INO80: variants seen among roughly 807,000 people sequenced by gnomAD.
The protein encoded by INO80 is INO80 complex ATPase subunit, also known as chromatin-remodeling ATPase INO80.
A neutral mutation model predicts 203.4 loss-of-function variants in INO80; 20 were observed. That is an observed-to-expected ratio of 0.10 (90% CI 0.07 to 0.14). The LOEUF is 0.14. INO80 is among the 10% of genes least tolerant of loss of function. INO80 has a pLI of 1.00. For missense variants in INO80, 1,419 were observed against 1,914.4 expected, an observed-to-expected ratio of 0.74 and a Z score of 4.83; for synonymous variants, 726 against 685.2, an observed-to-expected ratio of 1.06 and a Z score of -0.93.
At chr15:41,061,615 T>C (rs889062380) in intron 14 of INO80, among the ~76,000 whole-genome samples, 1 of 151,760 alleles carries the variant, frequency 6.6e-6, no homozygotes, top group Non-Finnish European at 1.5e-5. Flanking sequence ...AGAGTGAGAC[T>C]GTGTTTCAAA....
At chr15:40,984,980 T>C (rs1245654369) in intron 32 of INO80, among the ~76,000 whole-genome samples, 1 of 152,218 alleles carries the variant, frequency 6.6e-6, no homozygotes. Flanking sequence ...AGCAGAATTA[T>C]GGTAGGTTTG....
chr15:40,996,526 A>G (rs547420655), intron 29 of INO80, among the ~76,000 whole-genome samples: 1 of 151,066 alleles, frequency 6.6e-6, no homozygotes, highest in Admixed American at 6.6e-5. Flanking sequence ...TGGTTTCACC[A>G]TGTTGGCCAG....
chr15:41,045,166 A>G (rs1238914871), intron 23 of INO80, 91 bp from the exon 24 acceptor site: 3 of 916,176 alleles, frequency 3.3e-6, no homozygotes, highest in Admixed American at 2.8e-5. Flanking sequence ...TCATTAACAT[A>G]ACTCTTTTGT....
intron 29 of INO80, among the ~76,000 whole-genome samples, chr15:40,989,700 C>T (rs1356947323): frequency 6.6e-6 from 1 of 152,218 alleles, no homozygotes; most frequent in Non-Finnish European, 1.5e-5. Flanking sequence ...GCCTCAGCCT[C>T]CTGAGTAGCT....
intron 15 of INO80, among the ~76,000 whole-genome samples, chr15:41,059,307 G>A (rs1296503502): frequency 6.6e-6 from 1 of 150,680 alleles, no homozygotes; most frequent in East Asian, 2.0e-4. Flanking sequence ...AAACTAGGCT[G>A]AAACTAGTCT....
At chr15:40,998,013 ACTCTT>A (rs1372285676) in intron 28 of INO80, among the ~76,000 whole-genome samples, 1 of 117,014 alleles carries the variant, frequency 8.5e-6, no homozygotes, top group Non-Finnish European at 1.7e-5. Context: ...ATTCCAAAAC[ACTCTT>A]TTTTTTTTTT....
chr15:41,022,121 T>C (rs1034893542), intron 25 of INO80, among the ~76,000 whole-genome samples: 4 of 152,256 alleles, frequency 2.6e-5, no homozygotes, highest in African/African-American at 7.2e-5. Context: ...AAATGCTCAT[T>C]GGAGCATTTT....
intron 1 of INO80, among the ~76,000 whole-genome samples, chr15:41,114,554 C>T (rs543558953): frequency 1.3e-5 from 2 of 152,014 alleles, no homozygotes; most frequent in South Asian, 4.2e-4. Context: ...ACTAAAAATA[C>T]AAAAATTAGC....
chr15:41,031,728 T>C (rs1046448611), intron 24 of INO80, among the ~76,000 whole-genome samples: 2 of 151,828 alleles, frequency 1.3e-5, no homozygotes, highest in African/African-American at 4.8e-5. Flanking sequence ...TGTCCCTTTC[T>C]CATGCTCTTG....
chr15:41,046,975 T>C (rs573670122), intron 23 of INO80, among the ~76,000 whole-genome samples: 1 of 151,838 alleles, frequency 6.6e-6, no homozygotes, highest in South Asian at 2.1e-4. Context: ...TTTGAACTTG[T>C]TGCCTCAATT....
rs912280434 is a variant in INO80 at position 41,085,377 on chromosome 15, G to C, written c.865C>G (p.Leu289Val). The change falls in exon 7 of 36, where the codon CTA (leucine) becomes GTA (valine). Residue 289 changes from leucine to valine, a missense_variant. Leu to Val is a conservative substitution (Grantham distance 32, BLOSUM62 1). This residue lies in a region of INO80 where 87 missense variants were observed against 150.5 expected (regional missense o/e 0.58). Transcript: ENST00000648947. The part of the protein sequence containing the change: ...KVWLSIVKKE[L>V]PKANKQKASA... Reference sequence around the variant, plus strand: ...TGGAGGCATTCACTTACCTTTGGTAGTTCCTTTTTCACAATGCTGAGCCAT... The same window carrying C: ...TGGAGGCATTCACTTACCTTTGGTACTTCCTTTTTCACAATGCTGAGCCAT... 2 of 1,613,850 alleles carry C rather than the reference G, an allele frequency of 1.2e-6. No homozygotes were observed. The highest frequency in any genetic ancestry group is 1.3e-5 in the African/African-American group (1 of 74,902).
intron 22 of INO80, 90 bp downstream of exon 22, chr15:41,048,122 A>T: frequency 1.0e-6 from 1 of 958,980 alleles, no homozygotes; most frequent in Non-Finnish European, 1.6e-6. Context: ...GGCAAAACTA[A>T]TACTCGTTCT....
At chr15:40,986,021 T>C (rs999221538) in intron 31 of INO80, among the ~76,000 whole-genome samples, 2 of 152,232 alleles carry the variant, frequency 1.3e-5, no homozygotes, top group African/African-American at 4.8e-5. Flanking sequence ...TGAAAGGTTT[T>C]AGAAGGTGCT....
intron 7 of INO80, among the ~76,000 whole-genome samples, chr15:41,084,665 A>G (rs764715352): frequency 7.9e-5 from 12 of 152,236 alleles, no homozygotes; most frequent in Non-Finnish European, 1.0e-4. Flanking sequence ...GCCTGTGATT[A>G]TCCAGCAACA....
chr15:41,055,920 G>A (rs1189926294), intron 17 of INO80, among the ~76,000 whole-genome samples: 2 of 146,338 alleles, frequency 1.4e-5, no homozygotes, highest in Non-Finnish European at 3.0e-5. Context: ...CTATCTGTCA[G>A]TTTCTATAAA....
rs113334232 is a variant in INO80 at position 40,986,973 on chromosome 15, G to A, written c.3832+118C>T. The A allele has an allele frequency of 3.5e-6, 2 of 570,992 alleles. 1 individual carries two copies. Among genetic ancestry groups the A allele is most frequent in the African/African-American group, 3.7e-5 (2 of 53,366 alleles). The allele number at this position is 570,992 out of a possible 1,614,324, so 35.4% of individuals were successfully genotyped here. On this transcript the variant is annotated intron_variant, in intron 31 of 35. Coordinates refer to ENST00000648947, the MANE Select transcript of INO80 (RefSeq NM_017553.3). Reference sequence around the variant, plus strand: ...GTTTGGGTTTTTATATAAAATATGAGCACAAAAATACTTTCCCTAAATACA... The same window carrying A: ...GTTTGGGTTTTTATATAAAATATGAACACAAAAATACTTTCCCTAAATACA...
At chr15:41,069,188 GC>G (rs991484515) in intron 14 of INO80, among the ~76,000 whole-genome samples, 4 of 152,056 alleles carry the variant, frequency 2.6e-5, no homozygotes, top group Non-Finnish European at 5.9e-5. Flanking sequence ...GAGTGCAGCG[GC>G]ACATTCTCGG....
intron 25 of INO80, 92 bp downstream of exon 25, chr15:41,027,504 A>G (rs2044393197): frequency 1.7e-6 from 2 of 1,145,434 alleles, no homozygotes; most frequent in East Asian, 2.5e-5. Context: ...CAAATAGTTT[A>G]AAACAATTCT....
intron 1 of INO80, among the ~76,000 whole-genome samples, chr15:41,097,378 C>T (rs1048634064): frequency 1.3e-5 from 2 of 152,110 alleles, no homozygotes; most frequent in Non-Finnish European, 2.9e-5. Flanking sequence ...TAGCATCTGC[C>T]TTATACCTGG....
Sources: allele counts gnomAD v4.1 joint callset (sites outside exome capture counted in the v4.1 genomes callset), GRCh38; gene constraint gnomAD v4.1.1; regional missense constraint gnomAD v4.1.1; transcripts MANE v1.5; gene names NCBI Gene and HGNC (gene_info 2026-07-23, HGNC 2026-07-21).